The following SEMA3E variants were observed in gnomAD, a reference collection of about 807,000 sequenced individuals.
SEMA3E encodes semaphorin 3E, also known as semaphorin-3E.
In SEMA3E, 49 loss-of-function variants were observed where a neutral mutation model predicts 93.6. That is an observed-to-expected ratio of 0.52 (90% CI 0.42 to 0.66). The LOEUF (loss-of-function observed/expected upper bound fraction) is 0.66. Among genes scored for constraint, SEMA3E ranks in the 30% least tolerant of loss-of-function variants. SEMA3E has a pLI of 0.00. For synonymous variants in SEMA3E, 363 were observed against 330.7 expected (o/e 1.10, Z -1.06); for missense variants, 906 against 964.8 (o/e 0.94, Z 0.81).
In SEMA3E at chr7:83,387,049, G is replaced by T. The variant is rs1339512019; in HGVS notation, c.1669C>A (p.Arg557Ser). 6.2e-7 allele frequency: 1 copy of T among 1,612,528 alleles called. No homozygotes were observed. Among genetic ancestry groups the T allele is most frequent in the Admixed American group, 1.7e-5 (1 of 59,904 alleles). Residue 557 changes from arginine (R) to serine (S), a missense_variant and splice_region_variant, in exon 15 of 17, where the codon CGT (arginine) becomes AGT (serine). Physicochemically the swap from Arg to Ser is moderately radical, Grantham distance 110. Transcript: ENST00000643230. ...TGTCGAACATCTTGTCTCCGGAAACGCCTGAAAGAAAGTAAATGCATTTAG... is the reference window on the plus strand; with the variant it reads ...TGTCGAACATCTTGTCTCCGGAAACTCCTGAAAGAAAGTAAATGCATTTAG... ...YYPTGTHAKR[R>S]FRRQDVRHGN...
intron 1 of SEMA3E, among the ~76,000 whole-genome samples, chr7:83,542,305 A>G (rs1296385685): frequency 6.6e-6 from 1 of 152,088 alleles, no homozygotes; most frequent in Non-Finnish European, 1.5e-5. Context: ...GGTTACAGTG[A>G]GCTATGATTG....
intron 1 of SEMA3E, among the ~76,000 whole-genome samples, chr7:83,513,411 T>A (rs1231370535): frequency 2.6e-5 from 4 of 152,160 alleles, no homozygotes; most frequent in Non-Finnish European, 5.9e-5. Flanking sequence ...GCCATAAATG[T>A]TTTAAGTTAG....
chr7:83,616,617 T>G, intron 1 of SEMA3E: 1 of 382,070 alleles, frequency 2.6e-6, no homozygotes, highest in Non-Finnish European at 5.1e-6. Context: ...CTTGCCTTTT[T>G]ACTTGAGCCT....
At chr7:83,519,578 G>A (rs896347650) in intron 1 of SEMA3E, among the ~76,000 whole-genome samples, 5 of 152,062 alleles carry the variant, frequency 3.3e-5, no homozygotes, top group African/African-American at 2.4e-5. Flanking sequence ...AAGCCTTCAA[G>A]ATTCATACCA....
At chr7:83,494,436 G>A (rs971838534) in intron 1 of SEMA3E, among the ~76,000 whole-genome samples, 1 of 151,850 alleles carries the variant, frequency 6.6e-6, no homozygotes, top group Admixed American at 6.6e-5. Context: ...TTCTACACCT[G>A]TGCTTATAAC....
At chr7:83,570,621 A>G (rs1433357273) in intron 1 of SEMA3E, among the ~76,000 whole-genome samples, 2 of 150,622 alleles carry the variant, frequency 1.3e-5, no homozygotes, top group African/African-American at 4.9e-5. Context: ...ACCTAGAGGA[A>G]CTAGGAAAAA....
At chr7:83,626,504 A>G (rs759300649) in intron 1 of SEMA3E, among the ~76,000 whole-genome samples, 5 of 152,094 alleles carry the variant, frequency 3.3e-5, no homozygotes, top group Non-Finnish European at 7.4e-5. Context: ...AGAGGTGTTT[A>G]TAGTATTTTC....
chr7:83,584,294 G>A (rs1232362133), intron 1 of SEMA3E, among the ~76,000 whole-genome samples: 1 of 152,064 alleles, frequency 6.6e-6, no homozygotes, highest in Non-Finnish European at 1.5e-5. Flanking sequence ...AAGTTACGCA[G>A]CTAATGAATG....
chr7:83,504,107 T>A (rs1440416251), intron 1 of SEMA3E, among the ~76,000 whole-genome samples: 1 of 152,178 alleles, frequency 6.6e-6, no homozygotes, highest in Non-Finnish European at 1.5e-5. Flanking sequence ...TCTGAAATGG[T>A]TGCACCTTTA....
intron 1 of SEMA3E, among the ~76,000 whole-genome samples, chr7:83,572,748 C>T (rs1792312394): frequency 6.6e-6 from 1 of 152,042 alleles, no homozygotes; most frequent in Admixed American, 6.6e-5. Context: ...TGGTCTTTGA[C>T]AAAGTTGACA....
At position 83,411,460 on chromosome 7, in the gene SEMA3E, C is replaced by T. The variant is rs553867056; in HGVS notation, c.551-2973G>A. On this transcript the variant is annotated intron_variant, in intron 5 of 16. Coordinates refer to ENST00000643230, the MANE Select transcript of SEMA3E (RefSeq NM_012431.3). ...GGGAGAGATATTCCTTTCATATCTTCATATCAATGCAAATTTAAAAAAATT... is the reference window on the plus strand; with the variant it reads ...GGGAGAGATATTCCTTTCATATCTTTATATCAATGCAAATTTAAAAAAATT... Among the ~76,000 whole-genome samples, 8 of 152,104 alleles carry T rather than the reference C, an allele frequency of 5.3e-5. No homozygotes were observed. In the South Asian group the frequency reaches 1.7e-3, roughly 32 times the overall value.
chr7:83,381,060 C>T (rs1787767705), intron 16 of SEMA3E, among the ~76,000 whole-genome samples: 1 of 151,990 alleles, frequency 6.6e-6, no homozygotes, highest in African/African-American at 2.4e-5. Context: ...TCAATGACTA[C>T]CTACTTCCAC....
At chr7:83,457,146 A>T (rs1208742479) in intron 4 of SEMA3E, among the ~76,000 whole-genome samples, 1 of 152,076 alleles carries the variant, frequency 6.6e-6, no homozygotes, top group East Asian at 1.9e-4. Context: ...TTCTACCACC[A>T]CCTAAATAAT....
chr7:83,605,276 C>A (rs1445624020), intron 1 of SEMA3E, among the ~76,000 whole-genome samples: 1 of 152,150 alleles, frequency 6.6e-6, no homozygotes, highest in Non-Finnish European at 1.5e-5. Context: ...TATTTCTCCA[C>A]AGACTTGCCG....
At chr7:83,382,560 T>C (rs1214880648) in intron 16 of SEMA3E, among the ~76,000 whole-genome samples, 1 of 151,970 alleles carries the variant, frequency 6.6e-6, no homozygotes, top group African/African-American at 2.4e-5. Context: ...TAGCCTCAGT[T>C]ATCAATTCTG....
At chr7:83,648,268 G>A (rs1414420479) in intron 1 of SEMA3E, among the ~76,000 whole-genome samples, 160 bp downstream of exon 1, 2 of 151,876 alleles carry the variant, frequency 1.3e-5, no homozygotes, top group East Asian at 1.9e-4. Flanking sequence ...TTAATCAGAG[G>A]TACTTAGAAT....
chr7:83,459,862 G>A (rs1319498348), intron 4 of SEMA3E, among the ~76,000 whole-genome samples: 4 of 152,118 alleles, frequency 2.6e-5, no homozygotes, highest in Non-Finnish European at 5.9e-5. Flanking sequence ...CCTTGTGAAA[G>A]TCCTTCTCCT....
intron 16 of SEMA3E, among the ~76,000 whole-genome samples, chr7:83,380,230 C>T (rs1787751033): frequency 6.6e-6 from 1 of 151,928 alleles, no homozygotes; most frequent in African/African-American, 2.4e-5. Context: ...AATATTATCT[C>T]ATAAAAATTG....
At chr7:83,522,112 C>G (rs1791062793) in intron 1 of SEMA3E, among the ~76,000 whole-genome samples, 1 of 152,100 alleles carries the variant, frequency 6.6e-6, no homozygotes, top group Non-Finnish European at 1.5e-5. Context: ...AAATGTGTCT[C>G]ATGGTTGATT....
Sources: gnomAD v4.1 joint callset for allele counts (sites outside exome capture counted in the v4.1 genomes callset) on GRCh38, gnomAD v4.1.1 for gene constraint, MANE v1.5 for transcripts, NCBI Gene and HGNC (gene_info 2026-07-23, HGNC 2026-07-21) for gene names.